The following EXOC6B variants were observed in gnomAD, a reference collection of about 807,000 sequenced individuals.
EXOC6B encodes exocyst complex component 6B.
EXOC6B carries 54 observed loss-of-function variants against 113.5 expected under a neutral mutation model. That is an observed-to-expected ratio of 0.48 (90% confidence interval 0.38 to 0.60). The LOEUF is 0.60. EXOC6B is among the 20% of genes least tolerant of loss of function. The probability of loss-of-function intolerance (pLI) is 0.00; values close to 1 mark genes in which losing one functional copy is unlikely to be tolerated. For missense variants in EXOC6B, 797 were observed against 977.5 expected (o/e 0.82, Z 2.46); for synonymous variants, 357 against 339.0 (o/e 1.05, Z -0.58).
chr2:72,789,428 T>C (rs557036760), intron 1 of EXOC6B, among the ~76,000 whole-genome samples: 36 of 152,314 alleles, frequency 2.4e-4, no homozygotes, highest in African/African-American at 7.5e-4. Context: ...TGGTGGTTTG[T>C]TGGAGCACAG....
At chr2:72,340,482 G>A (rs1401369332) in intron 19 of EXOC6B, among the ~76,000 whole-genome samples, 1 of 152,130 alleles carries the variant, frequency 6.6e-6, no homozygotes, top group Non-Finnish European at 1.5e-5. Context: ...CAAATAAGAG[G>A]AAGGTGAAAA....
At position 72,825,084 on chromosome 2, in the gene EXOC6B, G is replaced by A. The variant is rs1686821292; in HGVS notation, c.113+714C>T. Among the ~76,000 whole-genome samples the A allele has an allele frequency of 6.6e-6, 1 of 152,146 alleles. No individual in the cohort carries two copies. Among genetic ancestry groups the A allele is most frequent in the Non-Finnish European group, 1.5e-5 (1 of 68,022 alleles). On this transcript the variant is annotated intron_variant, in intron 1 of 21. Transcript: ENST00000272427. This position sits in a 1 kb window ranked among gnomAD's most constrained non-coding sequence, Gnocchi z 4.4. ...TATGTAACAAGTGCTACCTAAATTT[G>A]TTAAATAAGTTGAGGTAAGTAGGGA...
At chr2:72,518,111 A>G (rs1301993435) in intron 8 of EXOC6B, among the ~76,000 whole-genome samples, 2 of 152,222 alleles carry the variant, frequency 1.3e-5, no homozygotes, top group Non-Finnish European at 2.9e-5. Context: ...TAATTGGTGC[A>G]GTGCCTGTCT....
At chr2:72,658,286 T>TAAAAA (rs60572283) in intron 6 of EXOC6B, among the ~76,000 whole-genome samples, 2 of 58,696 alleles carry the variant, frequency 3.4e-5, no homozygotes, top group Non-Finnish European at 3.1e-5. Context: ...TAAAAACTAG[T>TAAAAA]AAAAAAAAAA....
Position 72,620,212 on chromosome 2 carries a change from G to C in EXOC6B, c.670-44544C>G, listed in dbSNP as rs1012667396. Among the ~76,000 whole-genome samples, 4 of 152,200 alleles carry C rather than the reference G, an allele frequency of 2.6e-5. No homozygotes were observed. In the East Asian group the frequency reaches 7.7e-4, roughly 29 times the overall value. On this transcript the variant is annotated intron_variant, in intron 6 of 21. Transcript: ENST00000272427. ...GTTGCTATGTCTAAGTAATTTCCCA[G>C]TGACCCAGGAGCCACAACAGATCCT...
intron 20 of EXOC6B, among the ~76,000 whole-genome samples, chr2:72,211,398 G>A (rs1680178178): frequency 1.3e-5 from 2 of 152,192 alleles, no homozygotes; most frequent in African/African-American, 2.4e-5. Context: ...GTACTGTCAG[G>A]CAAAGGAAAG....
chr2:72,620,807 C>G (rs1671698422), intron 6 of EXOC6B, among the ~76,000 whole-genome samples: 1 of 151,614 alleles, frequency 6.6e-6, no homozygotes, highest in South Asian at 2.1e-4. Context: ...AATCAACAAG[C>G]AAAAGACAAA....
At chr2:72,738,025 GA>G (rs1278921200) in intron 2 of EXOC6B, among the ~76,000 whole-genome samples, 5 of 151,958 alleles carry the variant, frequency 3.3e-5, no homozygotes, top group Non-Finnish European at 7.4e-5. Flanking sequence ...AAAATGTAAA[GA>G]TTTTTTTAAA....
chr2:72,649,811 G>C (rs1042206776), intron 6 of EXOC6B, among the ~76,000 whole-genome samples: 1 of 152,052 alleles, frequency 6.6e-6, no homozygotes, highest in African/African-American at 2.4e-5. Flanking sequence ...CCTTTCAATG[G>C]AGGAAGAACA....
intron 20 of EXOC6B, among the ~76,000 whole-genome samples, chr2:72,260,029 G>T (rs1683615914): frequency 1.3e-5 from 2 of 152,068 alleles, no homozygotes; most frequent in South Asian, 4.1e-4. Flanking sequence ...TAAAACTTGG[G>T]TGACATAGTG....
At chr2:72,240,264 G>A (rs1254587787) in intron 20 of EXOC6B, among the ~76,000 whole-genome samples, 1 of 152,136 alleles carries the variant, frequency 6.6e-6, no homozygotes, top group Non-Finnish European at 1.5e-5. Context: ...CAGGTCACAG[G>A]GGAAGGCCTT....
chr2:72,638,996 T>C (rs1673044246), intron 6 of EXOC6B, among the ~76,000 whole-genome samples: 2 of 152,178 alleles, frequency 1.3e-5, no homozygotes, highest in South Asian at 4.1e-4. Flanking sequence ...GCTTCTACAC[T>C]GGCAGACAGT....
chr2:72,245,626 A>G (rs1390281843), intron 20 of EXOC6B, among the ~76,000 whole-genome samples: 1 of 152,202 alleles, frequency 6.6e-6, no homozygotes, highest in African/African-American at 2.4e-5. Flanking sequence ...CTATGAAGAC[A>G]GTAGTTGCCA....
chr2:72,457,753 T>C (rs1378642503), intron 18 of EXOC6B, among the ~76,000 whole-genome samples: 5 of 152,106 alleles, frequency 3.3e-5, no homozygotes, highest in African/African-American at 9.6e-5. Context: ...AGGGAAACAG[T>C]AAGATTTAAA....
chr2:72,312,502 A>C (rs943530306), intron 20 of EXOC6B, among the ~76,000 whole-genome samples: 1 of 152,120 alleles, frequency 6.6e-6, no homozygotes, highest in African/African-American at 2.4e-5. Context: ...TTGCAAGCAC[A>C]CATAAAAAGT....
At chr2:72,602,214 A>G (rs1670474118) in intron 6 of EXOC6B, among the ~76,000 whole-genome samples, 1 of 152,228 alleles carries the variant, frequency 6.6e-6, no homozygotes, top group East Asian at 1.9e-4. Flanking sequence ...AGAGATGATC[A>G]TAAGAATTTA....
At chr2:72,335,339 GA>G in intron 19 of EXOC6B, 1 of 206,222 alleles carries the variant, frequency 4.8e-6, no homozygotes, top group East Asian at 1.1e-4. Context: ...GTGGGGGAGA[GA>G]AAAAAGTTTT....
rs1056900414 is a variant in EXOC6B, at chr2:72,620,007, G to C, written c.670-44339C>G. 2.0e-5 allele frequency among the ~76,000 whole-genome samples: 3 copies of C among 152,336 alleles called. No homozygotes were observed. The South Asian group carries it at 6.2e-4, about 32-fold the overall frequency. On this transcript the variant is annotated intron_variant, in intron 6 of 21. Coordinates refer to ENST00000272427, the MANE Select transcript of EXOC6B (RefSeq NM_015189.3). Reference sequence around the variant, plus strand: ...TCTGATGAAGAACAGAGAAAGGACGGCTTCCCCGCAGGACTGGGGTGCATC... The same window carrying C: ...TCTGATGAAGAACAGAGAAAGGACGCCTTCCCCGCAGGACTGGGGTGCATC...
At chr2:72,555,361 C>G (rs1212247927) in intron 8 of EXOC6B, among the ~76,000 whole-genome samples, 1 of 152,322 alleles carries the variant, frequency 6.6e-6, no homozygotes, top group African/African-American at 2.4e-5. Flanking sequence ...AACTAATTTA[C>G]ACTTCCACCA....
Sources: gnomAD v4.1 joint callset for allele counts (sites outside exome capture counted in the v4.1 genomes callset) on GRCh38, gnomAD v4.1.1 for gene constraint, Gnocchi (gnomAD v3.1) non-coding constraint, MANE v1.5 for transcripts, NCBI Gene and HGNC (gene_info 2026-07-23, HGNC 2026-07-21) for gene names.